The following ADGRB3 variants were observed in gnomAD, a reference collection of about 807,000 sequenced individuals.
ADGRB3 encodes the protein adhesion G protein-coupled receptor B3, also known as brain-specific angiogenesis inhibitor 3.
A neutral mutation model predicts 193.4 loss-of-function variants in ADGRB3; 37 were observed. The observed-to-expected ratio is 0.19, with a 90% confidence interval of 0.15 to 0.25. The LOEUF (loss-of-function observed/expected upper bound fraction) is 0.25, where lower values mean the gene tolerates loss of function less well. Ranked by LOEUF, ADGRB3 falls within the 10% of genes least tolerant of loss-of-function variation. The pLI is 1.00. For missense variants in ADGRB3, 1,637 were observed against 1,852.9 expected (o/e 0.88, Z 2.14); for synonymous variants, 690 against 644.2 (o/e 1.07, Z -1.08).
intron 13 of ADGRB3, among the ~76,000 whole-genome samples, chr6:69,034,251 CA>C (rs1355438381): frequency 1.3e-5 from 2 of 151,684 alleles, no homozygotes; most frequent in East Asian, 3.9e-4. Flanking sequence ...TTGCTTTTTC[CA>C]AATTAATTCC....
At chr6:69,116,103 T>C (rs932335353) in intron 17 of ADGRB3, among the ~76,000 whole-genome samples, 2 of 152,226 alleles carry the variant, frequency 1.3e-5, no homozygotes, top group Admixed American at 6.5e-5. Context: ...AGGATTTCTA[T>C]GTTACAGTTG....
chr6:68,901,293 C>T (rs188653199), intron 3 of ADGRB3, among the ~76,000 whole-genome samples: 8 of 152,234 alleles, frequency 5.3e-5, no homozygotes, highest in African/African-American at 1.9e-4. Flanking sequence ...TTGTTATATG[C>T]AGGCCCTGGC....
intron 15 of ADGRB3, among the ~76,000 whole-genome samples, chr6:69,058,371 G>T (rs916552422): frequency 6.6e-6 from 1 of 151,184 alleles, no homozygotes; most frequent in Non-Finnish European, 1.5e-5. Context: ...TGTCAATTTT[G>T]TATATTTTTT....
At chr6:68,987,887 G>A (rs1006090947) in intron 10 of ADGRB3, among the ~76,000 whole-genome samples, 1 of 152,060 alleles carries the variant, frequency 6.6e-6, no homozygotes, top group African/African-American at 2.4e-5. Flanking sequence ...TATAACTGTA[G>A]ATGTCTAAAA....
At chr6:69,346,048 G>T (rs1769081366) in intron 26 of ADGRB3, among the ~76,000 whole-genome samples, 2 of 152,110 alleles carry the variant, frequency 1.3e-5, no homozygotes, top group South Asian at 2.1e-4. Flanking sequence ...GGGTTGTAAA[G>T]GACCTCTTCA....
chr6:69,114,040 T>C (rs989961024), intron 17 of ADGRB3, among the ~76,000 whole-genome samples: 2 of 152,174 alleles, frequency 1.3e-5, no homozygotes, highest in African/African-American at 4.8e-5. Context: ...AAGAATGAGA[T>C]TCTGGGAGGG....
At chr6:69,309,592 T>C (rs139570348) in intron 20 of ADGRB3, among the ~76,000 whole-genome samples, 83 of 151,862 alleles carry the variant, frequency 5.5e-4, no homozygotes, top group African/African-American at 1.9e-3. Context: ...CAAAGACAGA[T>C]ATTATTTATA....
intron 26 of ADGRB3, among the ~76,000 whole-genome samples, chr6:69,351,245 A>C (rs1345498638): frequency 6.6e-6 from 1 of 151,952 alleles, no homozygotes; most frequent in East Asian, 1.9e-4. Flanking sequence ...GGCACCTGCC[A>C]CCACGCCCTG....
chr6:68,787,712 T>C (rs1767005531), intron 3 of ADGRB3, among the ~76,000 whole-genome samples: 1 of 152,214 alleles, frequency 6.6e-6, no homozygotes, highest in Non-Finnish European at 1.5e-5. Context: ...TTGATTGGAA[T>C]AGTTTCAGAA....
intron 13 of ADGRB3, among the ~76,000 whole-genome samples, chr6:69,023,492 G>T (rs543407152): frequency 6.6e-6 from 1 of 152,078 alleles, no homozygotes; most frequent in Non-Finnish European, 1.5e-5. Context: ...TAGCAAAGAT[G>T]ATATAGAGAT....
chr6:69,210,197 A>G (rs2127238549), intron 17 of ADGRB3, among the ~76,000 whole-genome samples: 1 of 109,494 alleles, frequency 9.1e-6, no homozygotes, highest in East Asian at 2.1e-4. Flanking sequence ...ATATTAACTC[A>G]TGATCACAAG....
At chr6:69,377,281 GCCTCAGAAGCAA>G (rs1390764039) in intron 30 of ADGRB3, among the ~76,000 whole-genome samples, 2 of 151,950 alleles carry the variant, frequency 1.3e-5, no homozygotes, top group Admixed American at 1.3e-4. Context: ...ACATTGAAAG[GCCTCAGAAGCAA>G]CCTCAGAATC....
At chr6:68,714,398 G>A (rs1308032219) in intron 3 of ADGRB3, among the ~76,000 whole-genome samples, 1 of 151,686 alleles carries the variant, frequency 6.6e-6, no homozygotes, top group African/African-American at 2.4e-5. Flanking sequence ...GTGACAGTGG[G>A]ATGGCTGATG....
At chr6:68,882,732 C>T (rs1168154130) in intron 3 of ADGRB3, among the ~76,000 whole-genome samples, 3 of 152,064 alleles carry the variant, frequency 2.0e-5, no homozygotes, top group African/African-American at 7.2e-5. Flanking sequence ...TACAGATTTC[C>T]TCCTCTTCCC....
intron 17 of ADGRB3, among the ~76,000 whole-genome samples, chr6:69,142,906 A>G (rs1774379676): frequency 6.6e-6 from 1 of 152,048 alleles, no homozygotes; most frequent in Non-Finnish European, 1.5e-5. Context: ...TTCCTTTCTT[A>G]GGGGTATATG....
intron 3 of ADGRB3, among the ~76,000 whole-genome samples, chr6:68,888,542 TACACACACAC>T (rs5877179): frequency 2.7e-5 from 4 of 146,068 alleles, no homozygotes; most frequent in Non-Finnish European, 4.5e-5. Context: ...GGGTAATAGA[TACACACACAC>T]ACACACACAC....
intron 20 of ADGRB3, among the ~76,000 whole-genome samples, chr6:69,254,408 T>C (rs1766702951): frequency 6.6e-6 from 1 of 152,166 alleles, no homozygotes; most frequent in Non-Finnish European, 1.5e-5. Flanking sequence ...CTATTACTTT[T>C]TTTTCCAATA....
Position 68,936,832 on chromosome 6 carries a change from G to A in ADGRB3, c.1030+152G>A, listed in dbSNP as rs374635747. ...TTATTCAACTGTAATATTTTAAGAT[G>A]TCTGTGATTATTTCTGCTTTTAAAG... is the stretch of plus-strand genomic sequence containing the variant. On this transcript the variant is annotated intron_variant, in intron 5 of 31. Coordinates refer to ENST00000370598, the MANE Select transcript of ADGRB3 (RefSeq NM_001704.3). The A allele has an allele frequency of 9.5e-6, 9 of 944,092 alleles. No homozygotes were observed. The East Asian group carries it at 2.5e-4, about 27-fold the overall frequency. The allele number at this position is 944,092 out of a possible 1,614,324, so 58.5% of individuals were successfully genotyped here.
At chr6:69,386,325 G>A (rs1486430995) in intron 31 of ADGRB3, among the ~76,000 whole-genome samples, 1 of 151,936 alleles carries the variant, frequency 6.6e-6, no homozygotes, top group Non-Finnish European at 1.5e-5. Context: ...ACAAATACTT[G>A]GAATTACATA....
Sources: gnomAD v4.1 joint callset for allele counts (sites outside exome capture counted in the v4.1 genomes callset) on GRCh38, gnomAD v4.1.1 for gene constraint, MANE v1.5 for transcripts, NCBI Gene and HGNC (gene_info 2026-07-23, HGNC 2026-07-21) for gene names.